Variants in NRG3 observed in about 807,000 individuals in gnomAD.
NRG3 encodes the protein pro-neuregulin-3, membrane-bound isoform.
NRG3 carries 31 observed loss-of-function variants against 66.9 expected under a neutral mutation model. The ratio of observed to expected loss-of-function variants is 0.46; its 90% CI spans 0.35 to 0.63. NRG3 has a LOEUF of 0.63. Among genes scored for constraint, NRG3 ranks in the 20% least tolerant of loss-of-function variants. The probability of loss-of-function intolerance (pLI) is 0.00; values close to 1 mark genes in which losing one functional copy is unlikely to be tolerated. For missense variants in NRG3, 910 were observed against 878.9 expected (o/e 1.04, Z -0.45); for synonymous variants, 393 against 359.4 (o/e 1.09, Z -1.06).
At chr10:82,425,338 A>G (rs1687134472) in intron 2 of NRG3, among the ~76,000 whole-genome samples, 1 of 152,064 alleles carries the variant, frequency 6.6e-6, no homozygotes, top group African/African-American at 2.4e-5. Context: ...TGCATAATGG[A>G]AGACTTGTAT....
At chr10:82,639,803 A>G (rs1344338917) in intron 2 of NRG3, among the ~76,000 whole-genome samples, 1 of 152,166 alleles carries the variant, frequency 6.6e-6, no homozygotes, top group Admixed American at 6.6e-5. Context: ...TCAGGGGTAC[A>G]TATGAAGGTT....
chr10:82,445,577 T>C (rs2090675594), intron 2 of NRG3, among the ~76,000 whole-genome samples: 1 of 152,228 alleles, frequency 6.6e-6, no homozygotes, highest in Admixed American at 6.5e-5. Flanking sequence ...GTTGGTGTAG[T>C]TATCCAAGTA....
chr10:82,107,798 C>CA lies in NRG3; in HGVS notation c.823+231642dup, dbSNP rs367851733. 2.6e-3 allele frequency among the ~76,000 whole-genome samples: 400 copies of CA among 151,792 alleles called. 2 individuals carry two copies. The highest frequency in any genetic ancestry group is 9.1e-3 in the African/African-American group (376 of 41,390). ...CACTGTGGAAAATAGAGGAGGGAGTCAAAAAAAGAAAAATGTATGTTTAAA... is the reference window on the plus strand; with the variant it reads ...CACTGTGGAAAATAGAGGAGGGAGTCAAAAAAAAGAAAAATGTATGTTTAAA... On this transcript the variant is annotated intron_variant, in intron 1 of 8. Coordinates refer to ENST00000372141, the MANE Select transcript of NRG3 (RefSeq NM_001010848.4).
intron 3 of NRG3, among the ~76,000 whole-genome samples, chr10:82,863,354 A>G (rs2064240395): frequency 6.6e-6 from 1 of 152,250 alleles, no homozygotes; most frequent in African/African-American, 2.4e-5. Flanking sequence ...AGAATGATTT[A>G]TAATCCTTTG....
At chr10:82,971,230 T>C (rs55791938) in intron 6 of NRG3, among the ~76,000 whole-genome samples, 47 of 152,194 alleles carry the variant, frequency 3.1e-4, no homozygotes, top group South Asian at 1.2e-3. Context: ...ATCTCCAAAA[T>C]TGGGGATGAA....
intron 2 of NRG3, among the ~76,000 whole-genome samples, chr10:82,656,686 G>A (rs2133931183): frequency 6.6e-6 from 1 of 152,208 alleles, no homozygotes; most frequent in East Asian, 1.9e-4. Context: ...TACCTGTCCA[G>A]CAAGGGACTG....
At chr10:82,972,671 T>G (rs2132576992) in intron 6 of NRG3, among the ~76,000 whole-genome samples, 1 of 152,312 alleles carries the variant, frequency 6.6e-6, no homozygotes, top group Middle Eastern at 3.4e-3. Context: ...AGGAAACATC[T>G]TAGAGTATCA....
intron 1 of NRG3, among the ~76,000 whole-genome samples, chr10:82,291,042 A>G (rs552933643): frequency 6.6e-6 from 1 of 152,186 alleles, no homozygotes; most frequent in Non-Finnish European, 1.5e-5. Flanking sequence ...CAATTGTTAT[A>G]CATGTTTTCT....
intron 2 of NRG3, among the ~76,000 whole-genome samples, chr10:82,722,229 A>G (rs1371629557): frequency 6.6e-6 from 1 of 152,186 alleles, no homozygotes; most frequent in Non-Finnish European, 1.5e-5. Flanking sequence ...CTTTGTTGAA[A>G]CATGCTCTTT....
chr10:82,377,209 A>G (rs959621893), intron 2 of NRG3, among the ~76,000 whole-genome samples: 1 of 152,220 alleles, frequency 6.6e-6, no homozygotes, highest in Non-Finnish European at 1.5e-5. Context: ...AAGCGATCGA[A>G]TAACTTGCTC....
chr10:82,929,875 C>CAAA lies in NRG3; in HGVS notation c.1055-21581_1055-21579dup, dbSNP rs560959914. On this transcript the variant is annotated intron_variant, in intron 4 of 8. Coordinates refer to ENST00000372141, the MANE Select transcript of NRG3 (RefSeq NM_001010848.4). ...TGGGAGACAGACCGAGACTCCATCT[C>CAAA]AAAAAAAAAAAAAAAGGAAAAAGAA... is the stretch of plus-strand genomic sequence containing the variant. 2.7e-3 allele frequency among the ~76,000 whole-genome samples: 213 copies of CAAA among 79,464 alleles called. 4 individuals carry two copies. The highest frequency in any genetic ancestry group is 7.5e-3 in the African/African-American group (186 of 24,688). The allele number at this position is 79,464 out of a possible 152,430, so 52.1% of individuals were successfully genotyped here.
At chr10:82,155,057 C>A (rs1006548480) in intron 1 of NRG3, among the ~76,000 whole-genome samples, 2 of 151,760 alleles carry the variant, frequency 1.3e-5, no homozygotes, top group African/African-American at 4.8e-5. Flanking sequence ...ATTGACTGCT[C>A]TTTAATCTTT....
At chr10:82,903,386 T>G (rs1420066491) in intron 4 of NRG3, among the ~76,000 whole-genome samples, 1 of 152,148 alleles carries the variant, frequency 6.6e-6, no homozygotes, top group Non-Finnish European at 1.5e-5. Context: ...TTTCATTGTG[T>G]TTAGTGCAGT....
chr10:82,746,435 G>A (rs370655463), intron 3 of NRG3, among the ~76,000 whole-genome samples: 2 of 152,116 alleles, frequency 1.3e-5, no homozygotes, highest in African/African-American at 2.4e-5. Flanking sequence ...ACTGGTTCTC[G>A]GTTCTCCTGT....
intron 1 of NRG3, among the ~76,000 whole-genome samples, chr10:81,958,709 G>A (rs1381210622): frequency 1.3e-5 from 2 of 152,104 alleles, no homozygotes; most frequent in East Asian, 3.9e-4. Context: ...GGCCAATATG[G>A]TGAAATCCTG....
chr10:81,931,570 C>G (rs1847351124), intron 1 of NRG3, among the ~76,000 whole-genome samples: 1 of 152,118 alleles, frequency 6.6e-6, no homozygotes, highest in African/African-American at 2.4e-5. Flanking sequence ...AATCAGTATT[C>G]AGTCTTCCAG....
chr10:82,425,465 C>T (rs2089365620), intron 2 of NRG3, among the ~76,000 whole-genome samples: 1 of 151,660 alleles, frequency 6.6e-6, no homozygotes, highest in East Asian at 1.9e-4. Context: ...TGTATGTTGT[C>T]CTTTTCTTTT....
chr10:81,973,890 G>C (rs566389739), intron 1 of NRG3, among the ~76,000 whole-genome samples: 26 of 152,190 alleles, frequency 1.7e-4, no homozygotes, highest in African/African-American at 5.5e-4. Flanking sequence ...TTCTTTTGCT[G>C]TGCAGAAGCT....
chr10:82,763,377 A>C (rs1470921345), intron 3 of NRG3, among the ~76,000 whole-genome samples: 1 of 152,184 alleles, frequency 6.6e-6, no homozygotes, highest in African/African-American at 2.4e-5. Flanking sequence ...TATATTTGAA[A>C]AGTACTTTCC....
Sources: allele counts gnomAD v4.1 joint callset (sites outside exome capture counted in the v4.1 genomes callset), GRCh38; gene constraint gnomAD v4.1.1; transcripts MANE v1.5; gene names NCBI Gene and HGNC (gene_info 2026-07-23, HGNC 2026-07-21).